Variants in MAMDC4 observed in about 807,000 individuals in gnomAD.
MAMDC4 encodes MAM domain containing 4.
MAMDC4 carries 168 observed loss-of-function variants against 153.3 expected under a neutral mutation model. The observed-to-expected ratio is 1.10, with a 90% confidence interval of 0.97 to 1.25. The LOEUF (loss-of-function observed/expected upper bound fraction) is 1.25. Among genes scored for constraint, MAMDC4 ranks in the 50% most tolerant of loss-of-function variants. The pLI is 0.00. For missense variants in MAMDC4, 1,701 were observed against 1,542.8 expected (o/e 1.10, Z -1.72); for synonymous variants, 744 against 651.5 (o/e 1.14, Z -2.16).
At position 136,853,893 on chromosome 9, in the gene MAMDC4, C is replaced by T. The variant is rs945308673; in HGVS notation, c.571C>T (p.Arg191Trp). 16 of 1,612,560 alleles carry T rather than the reference C, an allele frequency of 9.9e-6. No individual in the cohort carries two copies. The highest frequency in any genetic ancestry group is 5.0e-5 in the Admixed American group (3 of 60,002). The change falls in exon 5 of 27, where the codon CGG becomes TGG. Residue 191 changes from arginine to tryptophan, a missense_variant. Arg to Trp is a moderately radical substitution (Grantham distance 101). Coordinates refer to ENST00000317446, the MANE Select transcript of MAMDC4 (RefSeq NM_206920.3). ...QELAVTTGRI[R>W]GDFRVTFSAT... The stretch of plus-strand genomic sequence containing the variant: ...GTTGGCAGTGACCACAGGCCGCATC[C>T]GGGGTGACTTCCGAGTGAGCTGGGA...
intron 14 of MAMDC4, 30 bp downstream of exon 14, chr9:136,856,179 C>T: frequency 5.6e-6 from 9 of 1,611,490 alleles, no homozygotes; most frequent in Non-Finnish European, 7.6e-6. Context: ...GTTCCCTGGC[C>T]AGCCCCTGGG....
chr9:136,853,231 G>C, intron 2 of MAMDC4, 22 bp downstream of exon 2: 1 of 1,612,522 alleles, frequency 6.2e-7, no homozygotes, highest in Non-Finnish European at 8.5e-7. Context: ...CCAGATGGGC[G>C]GGCAGGGCCA....
chr9:136,852,562 C>T (rs1564384402), intron 1 of MAMDC4, 100 bp downstream of exon 1: 3 of 1,435,184 alleles, frequency 2.1e-6, no homozygotes, highest in Non-Finnish European at 2.9e-6. Context: ...GATGCCTGAG[C>T]CCCAAAGGGA....
At chr9:136,853,725 G>GGGGGGGC in intron 4 of MAMDC4, 52 bp from the exon 5 acceptor site, 1 of 579,820 alleles carries the variant, frequency 1.7e-6, no homozygotes, top group Non-Finnish European at 3.3e-6. Context: ...GGGCGGGTGG[G>GGGGGGGC]CAGCTGGGGA....
intron 1 of MAMDC4, 76 bp downstream of exon 1, chr9:136,852,538 C>T (rs993848617): frequency 1.0e-5 from 16 of 1,548,524 alleles, no homozygotes; most frequent in East Asian, 9.0e-5. Context: ...GTGGCAGTGA[C>T]GGACACCAGG....
In MAMDC4 at chr9:136,853,559, G is replaced by T; in HGVS notation, c.343G>T (p.Val115Phe). The change falls in exon 4 of 27, where the codon GTT becomes TTT. Residue 115 changes from valine (V) to phenylalanine (F), a missense_variant. By Grantham distance (50) the Val-to-Phe change is conservative (BLOSUM62 -1). Transcript: ENST00000317446. Reference sequence around the variant, plus strand: ...ACCTGCGCCAGGCTGGTACATGGCCGTTGGAACCCACCGAGGGAAAGAGGC... The same window carrying T: ...ACCTGCGCCAGGCTGGTACATGGCCTTTGGAACCCACCGAGGGAAAGAGGC... Reference protein sequence around the residue: ...LGTDLGWYMAVGTHRGKEAST... With the variant: ...LGTDLGWYMAFGTHRGKEAST... 1 of 1,612,658 alleles carries T rather than the reference G, an allele frequency of 6.2e-7. No individual in the cohort carries two copies. Among genetic ancestry groups the T allele is most frequent in the Non-Finnish European group, 8.5e-7 (1 of 1,179,950 alleles).
At chr9:136,853,038 C>G in intron 1 of MAMDC4, 64 bp from the exon 2 acceptor site, 1 of 1,400,166 alleles carries the variant, frequency 7.1e-7, no homozygotes, top group Non-Finnish European at 1.0e-6. Flanking sequence ...CTGAATAGTC[C>G]TAGGCAGGCT....
Position 136,853,988 on chromosome 9 carries a change from T to A in MAMDC4, c.586-4T>A, listed in dbSNP as rs1055564842. 13 of 1,612,734 alleles carry A rather than the reference T, an allele frequency of 8.1e-6. No homozygotes were observed. The African/African-American group carries it at 1.5e-4, about 18-fold the overall frequency. ...CTTAGGTCCTAAGAGCCTGTTCTCT[T>A]CAGGTGACCTTCTCTGCCACCCGAA... On this transcript the variant is annotated splice_region_variant and splice_polypyrimidine_tract_variant and intron_variant, in intron 5 of 26. Transcript: ENST00000317446.
intron 25 of MAMDC4, 188 bp downstream of exon 25, chr9:136,859,505 G>T: frequency 1.6e-6 from 1 of 638,892 alleles, no homozygotes; most frequent in Non-Finnish European, 2.6e-6. Context: ...TGGGGCCGCT[G>T]CCTGGGCTGG....
At chr9:136,860,443 C>A in intron 26 of MAMDC4, 119 bp from the exon 27 acceptor site, 2 of 1,087,288 alleles carry the variant, frequency 1.8e-6, no homozygotes, top group Non-Finnish European at 2.7e-6. Context: ...ATCGCTTGAA[C>A]CAGGGAGGCA....
rs749794431 is a variant in MAMDC4, at chr9:136,854,205, A to C, written c.671-6A>C. ...CTCGGTGAAGGGTTAACCCTGCCCC[A>C]CCCAGCCCCCCAGGCCAACTGTCCC... On this transcript the variant is annotated splice_region_variant and splice_polypyrimidine_tract_variant and intron_variant, in intron 6 of 26. Transcript: ENST00000317446. 7 of 1,609,924 alleles carry C rather than the reference A, an allele frequency of 4.3e-6. No individual in the cohort carries two copies. The South Asian group carries it at 6.6e-5, about 15-fold the overall frequency.
At position 136,853,364 on chromosome 9, in the gene MAMDC4, T is replaced by C. The variant is rs148156727; in HGVS notation, c.234T>C (p.Ile78=). Residue 78 remains isoleucine, a synonymous_variant, in exon 3 of 27, where the codon ATT becomes ATC. Transcript: ENST00000317446. Reference sequence around the variant, plus strand: ...AGGACCCCTGCGGCTGGCGGGACATTAGTACCTCAGGCTACAGCTGGCTCC... The same window carrying C: ...AGGACCCCTGCGGCTGGCGGGACATCAGTACCTCAGGCTACAGCTGGCTCC... ...FEQDPCGWRD[I]STSGYSWLRD... is the part of the protein sequence containing the mutation. 1,585 of 1,607,116 alleles carry C rather than the reference T, an allele frequency of 9.9e-4. 2 individuals are homozygous for C. Among genetic ancestry groups the C allele is most frequent in the Admixed American group, 2.6e-3 (156 of 59,848 alleles).
chr9:136,854,182 C>T (rs1020785869), intron 6 of MAMDC4, 29 bp from the exon 7 acceptor site: 13 of 1,611,702 alleles, frequency 8.1e-6, no homozygotes, highest in Admixed American at 3.3e-5. Flanking sequence ...CCTGGGGCCT[C>T]GGTGAAGGGT....
At position 136,859,999 on chromosome 9, in the gene MAMDC4, A is replaced by G. The variant is rs757785999; in HGVS notation, c.3307A>G (p.Ser1103Gly). 12 of 1,611,954 alleles carry G rather than the reference A, an allele frequency of 7.4e-6. No individual in the cohort carries two copies. Among genetic ancestry groups the G allele is most frequent in the East Asian group, 6.7e-5 (3 of 44,882 alleles). ...ACGGCGCTGGCTGCAGAAGAAGGGGAGCTGCCCCTTCCAGAGCAACACAGA... is the reference window on the plus strand; with the variant it reads ...ACGGCGCTGGCTGCAGAAGAAGGGGGGCTGCCCCTTCCAGAGCAACACAGA... ...GGRRWLQKKGSCPFQSNTEAT... is the reference protein window; with the variant it reads ...GGRRWLQKKGGCPFQSNTEAT... The change falls in exon 26 of 27, where the codon AGC becomes GGC. Residue 1103 changes from serine to glycine, a missense_variant. By Grantham distance (56) the Ser-to-Gly change is moderately conservative. Coordinates refer to ENST00000317446, the MANE Select transcript of MAMDC4 (RefSeq NM_206920.3).
intron 13 of MAMDC4, 51 bp from the exon 14 acceptor site, chr9:136,855,967 G>C (rs548679824): frequency 8.1e-5 from 128 of 1,577,542 alleles, no homozygotes; most frequent in South Asian, 2.3e-4. Context: ...CTGAGGGACA[G>C]AGTGGGGCCC....
At position 136,860,047 on chromosome 9, in the gene MAMDC4, A is replaced by C; in HGVS notation, c.3355A>C (p.Asn1119His). 6.3e-7 allele frequency: 1 copy of C among 1,593,444 alleles called. No individual in the cohort carries two copies. The highest frequency in any genetic ancestry group is 2.3e-5 in the East Asian group (1 of 44,282). ...AGAGGCCACAGCCCCTGGCTTTGAC[A>C]ACATCCTTTTCAATGCGGTAGGAGC... is the stretch of plus-strand genomic sequence containing the variant. ...NTEATAPGFD[N>H]ILFNADGVTL... The change falls in exon 26 of 27, where the codon AAC (asparagine) becomes CAC (histidine). Residue 1119 changes from asparagine (N) to histidine (H), a missense_variant. Coordinates refer to ENST00000317446, the MANE Select transcript of MAMDC4 (RefSeq NM_206920.3).
At position 136,857,172 on chromosome 9, in the gene MAMDC4, G is replaced by A. The variant is rs1193533191; in HGVS notation, c.1980G>A (p.Leu660=). ...YHLHGPQIGT[L]RLAMRREGEE... is the part of the protein sequence containing the mutation. The stretch of plus-strand genomic sequence containing the variant: ...CTGGTCCCCTCCCTGCAGGGACTCT[G>A]CGCCTAGCCATGAGACGGGAAGGGG... The change falls in exon 17 of 27, where the codon CTG becomes CTA. Residue 660 remains leucine, a synonymous_variant. Transcript: ENST00000317446. 6.2e-7 allele frequency: 1 copy of A among 1,612,350 alleles called. No homozygotes were observed. The highest frequency in any genetic ancestry group is 2.2e-5 in the East Asian group (1 of 44,888).
chr9:136,860,667 G>T lies in MAMDC4; in HGVS notation c.*64G>T. On this transcript the variant is annotated 3_prime_UTR_variant, in exon 27 of 27. Transcript: ENST00000317446. ...CAGCACTTGGTCAGACCCTAGCCAG[G>T]GACCGGACACCTGCCCCGCCCAGGC... 6.3e-7 allele frequency: 1 copy of T among 1,587,428 alleles called. No individual in the cohort carries two copies.
rs777409936 is a variant in MAMDC4, at chr9:136,855,892, G to A, written c.1588+44G>A. On this transcript the variant is annotated intron_variant, in intron 13 of 26. Transcript: ENST00000317446. ...GGCTCAAGCCCCCGCCCGGGTGTGA[G>A]CAGCGTCCTCAGAGGGGTCTCTGCT... The A allele has an allele frequency of 8.2e-5, 121 of 1,481,482 alleles. 1 individual carries two copies. In the South Asian group the frequency reaches 1.6e-3, roughly 19 times the overall value. The allele number at this position is 1,481,482 out of a possible 1,614,324, so 91.8% of individuals were successfully genotyped here. A position where few individuals can be genotyped will look rare whatever the true frequency, so the allele number is the denominator to read the frequency against.
Sources: gnomAD v4.1 joint callset for allele counts on GRCh38, gnomAD v4.1.1 for gene constraint, MANE v1.5 for transcripts, NCBI Gene and HGNC (gene_info 2026-07-23, HGNC 2026-07-21) for gene names.